Variants in MACROD2 observed in about 807,000 individuals in gnomAD.
MACROD2 encodes the protein ADP-ribose glycohydrolase MACROD2.
A neutral mutation model predicts 70.4 loss-of-function variants in MACROD2; 36 were observed. The observed-to-expected ratio is 0.51, with a 90% CI of 0.39 to 0.68. The LOEUF is 0.68. MACROD2 is among the 30% of genes least tolerant of loss of function. MACROD2 has a pLI of 0.00. For missense variants in MACROD2, 496 were observed against 538.4 expected, an observed-to-expected ratio of 0.92 and a Z score of 0.78; for synonymous variants, 172 against 178.8, an observed-to-expected ratio of 0.96 and a Z score of 0.30.
At chr20:14,065,276 GA>G (rs1290082793) in intron 2 of MACROD2, among the ~76,000 whole-genome samples, 1 of 152,176 alleles carries the variant, frequency 6.6e-6, no homozygotes, top group East Asian at 1.9e-4. Flanking sequence ...GATCTGTGGT[GA>G]TCCTTCACAG....
intron 3 of MACROD2, among the ~76,000 whole-genome samples, chr20:14,243,536 T>C (rs2081945898): frequency 6.6e-6 from 1 of 152,204 alleles, no homozygotes; most frequent in Non-Finnish European, 1.5e-5. Context: ...AGATTCATGA[T>C]ACACATTCTT....
At chr20:15,301,591 C>CTTTTTTTTTTTTTTGTT (rs2077643310) in intron 6 of MACROD2, among the ~76,000 whole-genome samples, 1 of 81,250 alleles carries the variant, frequency 1.2e-5, no homozygotes, top group Non-Finnish European at 2.4e-5. Context: ...GGTAGGTGGC[C>CTTTTTTTTTTTTTTGTT]TTTTTTTTTT....
chr20:14,270,613 G>A (rs980353223), intron 3 of MACROD2, among the ~76,000 whole-genome samples: 15 of 147,878 alleles, frequency 1.0e-4, no homozygotes, highest in Non-Finnish European at 4.5e-5. Flanking sequence ...AGGTTTTCAA[G>A]ACAAGTACCA....
At chr20:15,572,507 T>C (rs191710030) in intron 8 of MACROD2, among the ~76,000 whole-genome samples, 1 of 152,246 alleles carries the variant, frequency 6.6e-6, no homozygotes, top group African/African-American at 2.4e-5. Flanking sequence ...GTTTATTCAC[T>C]CTGATAAGAA....
intron 8 of MACROD2, among the ~76,000 whole-genome samples, chr20:15,641,944 A>G (rs1236475473): frequency 6.6e-6 from 1 of 152,204 alleles, no homozygotes; most frequent in African/African-American, 2.4e-5. Context: ...ATGTATGAAA[A>G]CATGTATATA....
chr20:16,029,147 C>A (rs1009406830), intron 15 of MACROD2, among the ~76,000 whole-genome samples: 1 of 152,126 alleles, frequency 6.6e-6, no homozygotes, highest in Non-Finnish European at 1.5e-5. Flanking sequence ...AGGCCACAGT[C>A]CTATCAGATT....
At chr20:14,111,148 C>G (rs1329230961) in intron 3 of MACROD2, among the ~76,000 whole-genome samples, 1 of 151,934 alleles carries the variant, frequency 6.6e-6, no homozygotes, top group East Asian at 1.9e-4. Context: ...AAAATTGATG[C>G]TGGGAAAAAC....
intron 8 of MACROD2, among the ~76,000 whole-genome samples, chr20:15,680,164 G>A (rs900600918): frequency 6.6e-6 from 1 of 152,166 alleles, no homozygotes; most frequent in Non-Finnish European, 1.5e-5. Context: ...AGAATATCAT[G>A]GGTGATGGCT....
At chr20:15,775,245 A>C (rs117491448) in intron 8 of MACROD2, among the ~76,000 whole-genome samples, 2,011 of 152,250 alleles carry the variant, frequency 0.013, 37 homozygotes, top group Non-Finnish European at 0.014. Flanking sequence ...AAAAAATGGC[A>C]GTACAAGCAT....
rs549960168 is a variant in MACROD2, at chr20:14,108,137, G to C, written c.271+22409G>C. Among the ~76,000 whole-genome samples, 6 of 151,980 alleles carry C rather than the reference G, an allele frequency of 3.9e-5. No homozygotes were observed. In the East Asian group the frequency reaches 1.2e-3, roughly 29 times the overall value. Reference sequence around the variant, plus strand: ...AGTGGGGGATGAAGTTAAGGTACATGGTAGTTATTAGTTTTTTTTTCTTGT... The same window carrying C: ...AGTGGGGGATGAAGTTAAGGTACATCGTAGTTATTAGTTTTTTTTTCTTGT... On this transcript the variant is annotated intron_variant, in intron 3 of 17. Coordinates refer to ENST00000684519, the MANE Select transcript of MACROD2 (RefSeq NM_001351661.2).
At chr20:15,196,756 G>A (rs2076609525) in intron 5 of MACROD2, 3 of 407,570 alleles carry the variant, frequency 7.4e-6, no homozygotes, top group Non-Finnish European at 9.9e-6. Context: ...GGTACAATAT[G>A]TACTTGAAAT....
At chr20:15,721,818 G>C (rs896484952) in intron 8 of MACROD2, among the ~76,000 whole-genome samples, 13 of 152,030 alleles carry the variant, frequency 8.6e-5, no homozygotes, top group African/African-American at 3.1e-4. Flanking sequence ...AAATATTCCT[G>C]ATAACCATCA....
intron 8 of MACROD2, among the ~76,000 whole-genome samples, chr20:15,800,778 C>T (rs989779058): frequency 2.6e-5 from 4 of 152,094 alleles, no homozygotes; most frequent in South Asian, 2.1e-4. Flanking sequence ...ATTGAGAAAT[C>T]GGATGGTTGC....
chr20:14,432,765 A>C (rs1403206347), intron 3 of MACROD2, among the ~76,000 whole-genome samples: 1 of 152,046 alleles, frequency 6.6e-6, no homozygotes, highest in Non-Finnish European at 1.5e-5. Context: ...AATTTCTGGA[A>C]TATTTCTGCA....
chr20:15,014,558 G>A (rs1214255215), intron 5 of MACROD2, among the ~76,000 whole-genome samples: 2 of 152,144 alleles, frequency 1.3e-5, no homozygotes, highest in Non-Finnish European at 2.9e-5. Flanking sequence ...GTTAATACGG[G>A]TTGAAAGGAT....
At chr20:14,286,859 G>T (rs2082348900) in intron 3 of MACROD2, among the ~76,000 whole-genome samples, 1 of 152,140 alleles carries the variant, frequency 6.6e-6, no homozygotes, top group Non-Finnish European at 1.5e-5. Context: ...CAGATGCTCA[G>T]ATTGGCTCAG....
intron 3 of MACROD2, among the ~76,000 whole-genome samples, chr20:14,133,595 G>T (rs1036804851): frequency 2.6e-5 from 4 of 152,148 alleles, no homozygotes; most frequent in Non-Finnish European, 5.9e-5. Flanking sequence ...ATTTCAGATA[G>T]GTTTGTTAGG....
rs904400248 is a variant in MACROD2, at chr20:15,387,369, T to C, written c.541-44036T>C. 5.3e-5 allele frequency among the ~76,000 whole-genome samples: 8 copies of C among 149,644 alleles called. No individual in the cohort carries two copies. In the East Asian group the frequency reaches 7.9e-4, roughly 15 times the overall value. On this transcript the variant is annotated intron_variant, in intron 6 of 17. Transcript: ENST00000684519. ...CTCTCTGCTTCTATTCCTCTCCCTT[T>C]CTTCCCTCTCTTCCTACCTCTCTGC...
intron 8 of MACROD2, among the ~76,000 whole-genome samples, chr20:15,561,247 G>T (rs1428379829): frequency 6.6e-6 from 1 of 152,182 alleles, no homozygotes; most frequent in African/African-American, 2.4e-5. Flanking sequence ...CATTTTATTG[G>T]AATAAGCATG....
Sources: allele counts gnomAD v4.1 joint callset (sites outside exome capture counted in the v4.1 genomes callset), GRCh38; gene constraint gnomAD v4.1.1; transcripts MANE v1.5; gene names NCBI Gene and HGNC (gene_info 2026-07-23, HGNC 2026-07-21).